ACVR1C: variants seen among roughly 807,000 people sequenced by gnomAD.
The protein encoded by ACVR1C is activin receptor type-1C.
Under a neutral mutation model 57.9 loss-of-function variants are expected in ACVR1C, and 23 were observed. The observed-to-expected ratio is 0.40, with a 90% confidence interval of 0.29 to 0.56. The LOEUF (loss-of-function observed/expected upper bound fraction) is 0.56. ACVR1C is among the 20% of genes least tolerant of loss of function. The pLI, the probability that ACVR1C is intolerant of heterozygous loss-of-function variation, is 0.50. For synonymous variants in ACVR1C, 214 were observed against 215.3 expected (o/e 0.99, Z 0.05); for missense variants, 480 against 607.9 (o/e 0.79, Z 2.21).
intron 2 of ACVR1C, among the ~76,000 whole-genome samples, chr2:157,560,324 A>G (rs1048943605): frequency 6.6e-6 from 1 of 152,204 alleles, no homozygotes; most frequent in African/African-American, 2.4e-5. Flanking sequence ...ATGACCTTCA[A>G]ATTAATTAAT....
chr2:157,595,694 G>A (rs1213187848), intron 1 of ACVR1C, among the ~76,000 whole-genome samples: 2 of 152,154 alleles, frequency 1.3e-5, no homozygotes, highest in African/African-American at 4.8e-5. Flanking sequence ...TAGGCTAATA[G>A]TCTGGGTTCT....
intron 2 of ACVR1C, among the ~76,000 whole-genome samples, chr2:157,574,035 G>T (rs1042961618): frequency 1.3e-5 from 2 of 152,160 alleles, no homozygotes; most frequent in African/African-American, 4.8e-5. Flanking sequence ...CGACACAGAA[G>T]AGTCAGTCAC....
At chr2:157,592,928 G>C (rs1182170727) in intron 1 of ACVR1C, among the ~76,000 whole-genome samples, 3 of 152,092 alleles carry the variant, frequency 2.0e-5, no homozygotes, top group East Asian at 3.8e-4. Context: ...TATGGAAAGG[G>C]ACAGCAAATG....
chr2:157,543,312 T>C (rs952313928), intron 5 of ACVR1C, among the ~76,000 whole-genome samples: 3 of 152,342 alleles, frequency 2.0e-5, no homozygotes, highest in Admixed American at 1.3e-4. Context: ...TGTGACGCCA[T>C]CTTTTCTTCA....
intron 1 of ACVR1C, among the ~76,000 whole-genome samples, chr2:157,621,428 C>A (rs998941381): frequency 1.3e-5 from 2 of 152,156 alleles, no homozygotes; most frequent in Non-Finnish European, 2.9e-5. Flanking sequence ...CCACCTCCTC[C>A]ATCCTTTTAC....
intron 1 of ACVR1C, among the ~76,000 whole-genome samples, chr2:157,623,600 G>C (rs905260984): frequency 6.6e-6 from 1 of 151,292 alleles, no homozygotes; most frequent in Non-Finnish European, 1.5e-5. Context: ...CAGAGGCTGG[G>C]AAGGGTAGTA....
At chr2:157,579,802 T>C (rs1688743655) in intron 2 of ACVR1C, among the ~76,000 whole-genome samples, 1 of 152,216 alleles carries the variant, frequency 6.6e-6, no homozygotes, top group Non-Finnish European at 1.5e-5. Context: ...AATTTCCTTA[T>C]TAAGATATTA....
chr2:157,539,848 T>A (rs1436341880), intron 7 of ACVR1C, among the ~76,000 whole-genome samples: 1 of 152,186 alleles, frequency 6.6e-6, no homozygotes, highest in Non-Finnish European at 1.5e-5. Context: ...CAGTTGTAGA[T>A]CCCTGAATGT....
chr2:157,581,352 T>C (rs1423302374), intron 2 of ACVR1C, among the ~76,000 whole-genome samples: 1 of 149,018 alleles, frequency 6.7e-6, no homozygotes, highest in Non-Finnish European at 1.5e-5. Context: ...AAAAAAAGGG[T>C]TTAAGAGACA....
At chr2:157,621,137 A>C (rs916107016) in intron 1 of ACVR1C, among the ~76,000 whole-genome samples, 1 of 152,186 alleles carries the variant, frequency 6.6e-6, no homozygotes, top group Non-Finnish European at 1.5e-5. Context: ...ATACCTAGTG[A>C]ATCACCCATG....
At chr2:157,604,969 G>T (rs1682360195) in intron 1 of ACVR1C, among the ~76,000 whole-genome samples, 1 of 151,622 alleles carries the variant, frequency 6.6e-6, no homozygotes, top group Non-Finnish European at 1.5e-5. Context: ...AAGAAATGTT[G>T]CCTAACCTAA....
At chr2:157,581,858 ATTTCT>A (rs1688799713) in intron 2 of ACVR1C, among the ~76,000 whole-genome samples, 1 of 152,186 alleles carries the variant, frequency 6.6e-6, no homozygotes, top group Non-Finnish European at 1.5e-5. Context: ...TTCAGAGTAC[ATTTCT>A]ATATTTCCTG....
At chr2:157,628,454 G>C in intron 1 of ACVR1C, 118 bp downstream of exon 1, 2 of 1,203,426 alleles carry the variant, frequency 1.7e-6, no homozygotes, top group Non-Finnish European at 2.4e-6. Context: ...GCGCTTCCCT[G>C]TCCGCCCCGA....
chr2:157,594,583 T>C (rs540896285), intron 1 of ACVR1C, among the ~76,000 whole-genome samples: 42 of 152,318 alleles, frequency 2.8e-4, no homozygotes, highest in African/African-American at 9.9e-4. Flanking sequence ...GATAATTGAA[T>C]GTTCTTTCCA....
chr2:157,545,805 C>T (rs189439381), intron 4 of ACVR1C, among the ~76,000 whole-genome samples: 141 of 152,168 alleles, frequency 9.3e-4, no homozygotes, highest in African/African-American at 2.9e-3. Context: ...GACAGCATGT[C>T]GCTCTGTCGC....
intron 3 of ACVR1C, 85 bp from the exon 4 acceptor site, chr2:157,550,477 A>G (rs1420379952): frequency 7.1e-6 from 9 of 1,264,522 alleles, no homozygotes; most frequent in African/African-American, 3.0e-5. Flanking sequence ...GATTTTAAAA[A>G]AGCAAACATT....
In ACVR1C at chr2:157,621,292, G is replaced by T. The variant is rs551844984; in HGVS notation, c.73+7280C>A. Reference sequence around the variant, plus strand: ...ATCAGGACACAGCAGAGCCGTGTTAGCCTGGCTGGCCAATCAGAGCAGTGA... The same window carrying T: ...ATCAGGACACAGCAGAGCCGTGTTATCCTGGCTGGCCAATCAGAGCAGTGA... On this transcript the variant is annotated intron_variant, in intron 1 of 8. Coordinates refer to ENST00000243349, the MANE Select transcript of ACVR1C (RefSeq NM_145259.3). 1.9e-3 allele frequency among the ~76,000 whole-genome samples: 291 copies of T among 152,150 alleles called. 2 individuals are homozygous for T. The highest frequency in any genetic ancestry group is 6.5e-3 in the African/African-American group (268 of 41,528).
At chr2:157,607,157 G>A (rs1368489158) in intron 1 of ACVR1C, among the ~76,000 whole-genome samples, 1 of 151,852 alleles carries the variant, frequency 6.6e-6, no homozygotes, top group Non-Finnish European at 1.5e-5. Flanking sequence ...TCTCTATTCT[G>A]TTTCATTGGT....
intron 8 of ACVR1C, among the ~76,000 whole-genome samples, chr2:157,536,602 A>G (rs537003498): frequency 1.3e-5 from 2 of 152,250 alleles, no homozygotes; most frequent in South Asian, 2.1e-4. Flanking sequence ...CATTTTGGAT[A>G]CCCCCAAACT....
Sources: gnomAD v4.1 joint callset for allele counts (sites outside exome capture counted in the v4.1 genomes callset) on GRCh38, gnomAD v4.1.1 for gene constraint, MANE v1.5 for transcripts, NCBI Gene and HGNC (gene_info 2026-07-23, HGNC 2026-07-21) for gene names.